The following RAB28 variants were observed in gnomAD, a reference collection of about 807,000 sequenced individuals.
The protein encoded by RAB28 is RAB28, member RAS oncogene family.
A neutral mutation model predicts 31.7 loss-of-function variants in RAB28; 24 were observed. That is an observed-to-expected ratio of 0.76 (90% confidence interval 0.55 to 1.06). The LOEUF is 1.06. Ranked by LOEUF, RAB28 falls within the 50% of genes least tolerant of loss-of-function variation. The pLI is 0.00. For synonymous variants in RAB28, 100 were observed against 90.4 expected, an observed-to-expected ratio of 1.11 and a Z score of -0.60; for missense variants, 254 against 258.5, an observed-to-expected ratio of 0.98 and a Z score of 0.12.
intron 4 of RAB28, among the ~76,000 whole-genome samples, chr4:13,387,978 C>G (rs1401060238): frequency 6.6e-6 from 1 of 151,968 alleles, no homozygotes; most frequent in Non-Finnish European, 1.5e-5. Flanking sequence ...TCAATTTTCA[C>G]CCATTACTAT....
chr4:13,397,950 C>T (rs1297858688), intron 4 of RAB28, among the ~76,000 whole-genome samples: 1 of 151,926 alleles, frequency 6.6e-6, no homozygotes, highest in Admixed American at 6.6e-5. Context: ...CTTCATAACT[C>T]CAAAGAGTCA....
intron 2 of RAB28, among the ~76,000 whole-genome samples, chr4:13,476,959 T>G (rs753001469): frequency 6.6e-6 from 1 of 151,452 alleles, no homozygotes; most frequent in African/African-American, 2.4e-5. Flanking sequence ...AACAGTGACC[T>G]TGTAAAAGTA....
At chr4:13,476,534 C>T (rs907685277) in intron 2 of RAB28, among the ~76,000 whole-genome samples, 5 of 151,334 alleles carry the variant, frequency 3.3e-5, no homozygotes, top group African/African-American at 1.2e-4. Flanking sequence ...TTTAACTCCA[C>T]ATTTTAATTT....
At chr4:13,375,831 C>T (rs1217434179) in intron 6 of RAB28, among the ~76,000 whole-genome samples, 1 of 151,058 alleles carries the variant, frequency 6.6e-6, no homozygotes, top group African/African-American at 2.4e-5. Flanking sequence ...AGATACAGAA[C>T]TAACTCTAAA....
intron 4 of RAB28, among the ~76,000 whole-genome samples, chr4:13,397,068 TTAAAA>T (rs1729902266): frequency 6.6e-6 from 1 of 152,140 alleles, no homozygotes; most frequent in Non-Finnish European, 1.5e-5. Context: ...TTTTAGGCTC[TTAAAA>T]TAAATACAAA....
At chr4:13,383,402 C>T (rs1729218010) in intron 4 of RAB28, among the ~76,000 whole-genome samples, 1 of 152,046 alleles carries the variant, frequency 6.6e-6, no homozygotes, top group South Asian at 2.1e-4. Context: ...CTCCATCTAT[C>T]ATTTACTACT....
At position 13,412,500 on chromosome 4, in the gene RAB28, C is replaced by A. The variant is rs138131770; in HGVS notation, c.392-30906G>T. On this transcript the variant is annotated intron_variant, in intron 4 of 6. Coordinates refer to ENST00000330852, the MANE Select transcript of RAB28 (RefSeq NM_001017979.3). Reference sequence around the variant, plus strand: ...AAATTATTCTTAACCTAGAACATGGCCTTGACCTCTCTGTTCTAAGAGCCT... The same window carrying A: ...AAATTATTCTTAACCTAGAACATGGACTTGACCTCTCTGTTCTAAGAGCCT... 4.6e-3 allele frequency among the ~76,000 whole-genome samples: 693 copies of A among 152,108 alleles called. 6 individuals are homozygous for A. Among genetic ancestry groups the A allele is most frequent in the African/African-American group, 0.016 (660 of 41,478 alleles).
chr4:13,390,570 A>G lies in RAB28; in HGVS notation c.392-8976T>C, dbSNP rs577829212. On this transcript the variant is annotated intron_variant, in intron 4 of 6. Transcript: ENST00000330852. ...TCACAGAATTGGAAAAAACTACTTT[A>G]AAGTTCACATGGAATCAAAAAAAAA... Among the ~76,000 whole-genome samples, 172 of 152,072 alleles carry G rather than the reference A, an allele frequency of 1.1e-3. 2 individuals carry two copies. Among genetic ancestry groups the G allele is most frequent in the African/African-American group, 4.0e-3 (165 of 41,488 alleles).
At chr4:13,466,137 GA>G (rs1468489169) in intron 3 of RAB28, among the ~76,000 whole-genome samples, 5 of 151,968 alleles carry the variant, frequency 3.3e-5, no homozygotes, top group African/African-American at 1.2e-4. Flanking sequence ...ATGTATGGAG[GA>G]AAACTACAAA....
At chr4:13,459,991 C>G in intron 4 of RAB28, 1 of 1,029,730 alleles carries the variant, frequency 9.7e-7, no homozygotes, top group Non-Finnish European at 1.3e-6. Context: ...ACCAAAGCAG[C>G]GGAGCAGTTA....
intron 1 of RAB28, among the ~76,000 whole-genome samples, chr4:13,480,863 C>T (rs1214500296): frequency 6.6e-6 from 1 of 151,508 alleles, no homozygotes; most frequent in African/African-American, 2.4e-5. Context: ...TTTCTTTTTA[C>T]AGACCATTGT....
intron 5 of RAB28, among the ~76,000 whole-genome samples, chr4:13,378,932 C>CTGG (rs1254363980): frequency 1.3e-5 from 2 of 152,028 alleles, no homozygotes. Context: ...AGTCATCGGC[C>CTGG]TGGTGCATTG....
chr4:13,483,119 C>T lies in RAB28; in HGVS notation c.75+957G>A, dbSNP rs1013333047. On this transcript the variant is annotated intron_variant, in intron 1 of 6. Transcript: ENST00000330852. The stretch of plus-strand genomic sequence containing the variant: ...GGGAAAGAAGGCATCCGGGTAGAGG[C>T]TCTTCACTATTTGCTGGTGGAGGGA... Among the ~76,000 whole-genome samples the T allele has an allele frequency of 2.0e-5, 3 of 152,144 alleles. No homozygotes were observed. The South Asian group carries it at 6.2e-4, about 32-fold the overall frequency.
intron 1 of RAB28, 57 bp from the exon 2 acceptor site, chr4:13,479,583 A>C: frequency 8.9e-7 from 1 of 1,129,490 alleles, no homozygotes; most frequent in Non-Finnish European, 1.3e-6. Context: ...TGTAATCATA[A>C]GACCACTATA....
At chr4:13,379,015 G>A (rs1729027500) in intron 5 of RAB28, among the ~76,000 whole-genome samples, 1 of 151,884 alleles carries the variant, frequency 6.6e-6, no homozygotes, top group Non-Finnish European at 1.5e-5. Flanking sequence ...AGATCAGCCT[G>A]GCCAAGATGG....
chr4:13,478,202 G>A (rs1028279608), intron 2 of RAB28, among the ~76,000 whole-genome samples: 1 of 151,488 alleles, frequency 6.6e-6, no homozygotes, highest in African/African-American at 2.4e-5. Flanking sequence ...GTAAGAGTGA[G>A]AATAATAAAA....
At chr4:13,404,769 C>T (rs1231678459) in intron 4 of RAB28, among the ~76,000 whole-genome samples, 2 of 152,094 alleles carry the variant, frequency 1.3e-5, no homozygotes, top group East Asian at 3.9e-4. Flanking sequence ...TACCAATCAA[C>T]TCTGATGTCC....
intron 4 of RAB28, among the ~76,000 whole-genome samples, chr4:13,423,281 A>T (rs1157902999): frequency 6.6e-6 from 1 of 152,146 alleles, no homozygotes; most frequent in Non-Finnish European, 1.5e-5. Flanking sequence ...CACGGCTGTA[A>T]TCCCAACACT....
At chr4:13,381,646 C>T (rs747715781) in intron 4 of RAB28, 52 bp from the exon 5 acceptor site, 6 of 1,329,872 alleles carry the variant, frequency 4.5e-6, no homozygotes, top group African/African-American at 4.5e-5. Context: ...TCTATCAAAA[C>T]GTTTTTAACA....
Sources: allele counts gnomAD v4.1 joint callset (sites outside exome capture counted in the v4.1 genomes callset), GRCh38; gene constraint gnomAD v4.1.1; transcripts MANE v1.5; gene names NCBI Gene and HGNC (gene_info 2026-07-23, HGNC 2026-07-21).